Variants in MKX observed in about 807,000 individuals in gnomAD.
MKX encodes the protein mohawk homeobox, also known as homeobox protein Mohawk.
Under a neutral mutation model 36.0 loss-of-function variants are expected in MKX, and 13 were observed. The observed-to-expected ratio is 0.36, with a 90% CI of 0.24 to 0.57. The LOEUF is 0.57. Ranked by LOEUF, MKX falls within the 20% of genes least tolerant of loss-of-function variation. The pLI, the probability that MKX is intolerant of heterozygous loss-of-function variation, is 0.79. For missense variants in MKX, 458 were observed against 456.4 expected, an observed-to-expected ratio of 1.00 and a Z score of -0.03; for synonymous variants, 176 against 178.3, an observed-to-expected ratio of 0.99 and a Z score of 0.10.
chr10:27,719,086 G>A (rs983528665), intron 5 of MKX, among the ~76,000 whole-genome samples: 16 of 152,038 alleles, frequency 1.1e-4, no homozygotes, highest in African/African-American at 3.4e-4. Flanking sequence ...TTTCTCTCTC[G>A]AAATCTCATT....
intron 1 of MKX, among the ~76,000 whole-genome samples, chr10:27,743,922 A>G (rs1481152920): frequency 6.6e-6 from 1 of 152,118 alleles, no homozygotes; most frequent in East Asian, 1.9e-4. Context: ...TAGGAACCCC[A>G]ACTCGGGGCG....
intron 5 of MKX, among the ~76,000 whole-genome samples, chr10:27,685,599 C>T (rs987001209): frequency 1.1e-4 from 16 of 152,090 alleles, no homozygotes; most frequent in African/African-American, 3.9e-4. Context: ...CAGGCGCCCG[C>T]CACCACGCCT....
chr10:27,736,629 G>A (rs1045826791), intron 3 of MKX, among the ~76,000 whole-genome samples: 1 of 151,620 alleles, frequency 6.6e-6, no homozygotes, highest in African/African-American at 2.4e-5. Flanking sequence ...TGTTTGCACT[G>A]GAAATTTCTA....
chr10:27,701,575 TATATA>T (rs1201500273), intron 5 of MKX, among the ~76,000 whole-genome samples: 1 of 145,548 alleles, frequency 6.9e-6, no homozygotes, highest in African/African-American at 2.5e-5. Flanking sequence ...TATAAATGTA[TATATA>T]ATATAAAATT....
At chr10:27,725,204 A>G (rs1437408056) in intron 5 of MKX, among the ~76,000 whole-genome samples, 1 of 152,154 alleles carries the variant, frequency 6.6e-6, no homozygotes, top group Non-Finnish European at 1.5e-5. Flanking sequence ...TAAGGGATTG[A>G]TCTGGAAGAT....
intron 5 of MKX, among the ~76,000 whole-genome samples, chr10:27,705,917 G>A (rs1836739593): frequency 6.6e-6 from 1 of 152,118 alleles, no homozygotes; most frequent in Non-Finnish European, 1.5e-5. Context: ...TTTTAACTGT[G>A]CAGTTCTGTG....
At position 27,734,635 on chromosome 10, in the gene MKX, C is replaced by T. The variant is rs776319124; in HGVS notation, c.659G>A (p.Ser220Asn). The change falls in exon 5 of 7, where the codon AGC becomes AAC. Residue 220 changes from serine (S) to asparagine (N), a missense_variant. Coordinates refer to ENST00000419761, the MANE Select transcript of MKX (RefSeq NM_173576.3). Reference sequence around the variant, plus strand: ...ATTAAGGTAACGGTTCAACAAGCTGCTCTTGTATTTGGGGGGTGCCACGTA... The same window carrying T: ...ATTAAGGTAACGGTTCAACAAGCTGTTCTTGTATTTGGGGGGTGCCACGTA... The part of the protein sequence containing the change: ...EDYVAPPKYK[S>N]SLLNRYLNDS... The T allele has an allele frequency of 3.7e-6, 6 of 1,614,032 alleles. No homozygotes were observed. The highest frequency in any genetic ancestry group is 3.3e-5 in the Admixed American group (2 of 60,000).
At chr10:27,708,288 CT>C (rs1057038784) in intron 5 of MKX, among the ~76,000 whole-genome samples, 23 of 152,144 alleles carry the variant, frequency 1.5e-4, no homozygotes, top group African/African-American at 5.3e-4. Context: ...TCACTTCACA[CT>C]TTTTTTTCCC....
At chr10:27,734,967 C>T (rs780035348) in intron 4 of MKX, among the ~76,000 whole-genome samples, 176 bp from the exon 5 acceptor site, 6 of 152,058 alleles carry the variant, frequency 3.9e-5, no homozygotes, top group Non-Finnish European at 7.4e-5. Context: ...TGTCATCTCT[C>T]GCTTATGGTA....
intron 5 of MKX, among the ~76,000 whole-genome samples, chr10:27,709,077 G>A (rs1354228243): frequency 6.6e-6 from 1 of 151,788 alleles, no homozygotes; most frequent in Non-Finnish European, 1.5e-5. Context: ...GCTGAGGCAG[G>A]AGAATCACTT....
chr10:27,694,949 C>T (rs1030306164), intron 5 of MKX, among the ~76,000 whole-genome samples: 6 of 151,338 alleles, frequency 4.0e-5, no homozygotes, highest in Non-Finnish European at 1.5e-5. Context: ...GTCCCAAGCT[C>T]CTGCAGGTGT....
intron 5 of MKX, among the ~76,000 whole-genome samples, chr10:27,716,443 A>AAG (rs1306587710): frequency 6.6e-6 from 1 of 151,116 alleles, no homozygotes; most frequent in African/African-American, 2.4e-5. Context: ...AAGCAAAAAA[A>AAG]AAAAAAAGCA....
chr10:27,688,461 G>GACCTGGAGC (rs1242519097), intron 5 of MKX, among the ~76,000 whole-genome samples: 1 of 152,208 alleles, frequency 6.6e-6, no homozygotes, highest in Admixed American at 6.5e-5. Flanking sequence ...AAGACAAAGA[G>GACCTGGAGC]ACCTGGAGCC....
intron 5 of MKX, among the ~76,000 whole-genome samples, chr10:27,677,437 G>T (rs189009645): frequency 7.2e-5 from 11 of 152,252 alleles, no homozygotes; most frequent in South Asian, 2.1e-4. Context: ...GGTCTGAGAA[G>T]AATAACGTCA....
chr10:27,690,371 A>AAAAACAAAACAAAACAAAACAAAAC lies in MKX; in HGVS notation c.839-14842_839-14818dup, dbSNP rs59668453. On this transcript the variant is annotated intron_variant, in intron 5 of 6. Coordinates refer to ENST00000419761, the MANE Select transcript of MKX (RefSeq NM_173576.3). ...GGCGACAGAGTGAGACTCCATCTCA[A>AAAAACAAAACAAAACAAAACAAAAC]AAAACAAAACAAAACAAAACAAAAC... Among the ~76,000 whole-genome samples, 252 of 150,014 alleles carry AAAAACAAAACAAAACAAAACAAAAC rather than the reference A, an allele frequency of 1.7e-3. 3 individuals carry two copies. The highest frequency in any genetic ancestry group is 5.9e-3 in the African/African-American group (238 of 40,552).
chr10:27,726,334 C>A (rs1397480016), intron 5 of MKX, among the ~76,000 whole-genome samples: 1 of 152,120 alleles, frequency 6.6e-6, no homozygotes. Flanking sequence ...CTTAAAAAGT[C>A]ACAACTTTGA....
chr10:27,725,543 A>G (rs924535419), intron 5 of MKX, among the ~76,000 whole-genome samples: 1 of 152,118 alleles, frequency 6.6e-6, no homozygotes, highest in Non-Finnish European at 1.5e-5. Context: ...TCTGGACTGG[A>G]AGAAAGCACA....
chr10:27,733,473 T>C (rs1012458305), intron 5 of MKX, among the ~76,000 whole-genome samples: 4 of 152,184 alleles, frequency 2.6e-5, no homozygotes, highest in Non-Finnish European at 4.4e-5. Flanking sequence ...GGGATAATAA[T>C]AGTGATTATA....
At chr10:27,703,858 C>T (rs1836705719) in intron 5 of MKX, among the ~76,000 whole-genome samples, 1 of 152,068 alleles carries the variant, frequency 6.6e-6, no homozygotes, top group African/African-American at 2.4e-5. Flanking sequence ...CCAGATTGTA[C>T]CATTGCCCTC....
Sources: gnomAD v4.1 joint callset for allele counts (sites outside exome capture counted in the v4.1 genomes callset) on GRCh38, gnomAD v4.1.1 for gene constraint, MANE v1.5 for transcripts, NCBI Gene and HGNC (gene_info 2026-07-23, HGNC 2026-07-21) for gene names.